Variants in SLC22A14 observed in about 807,000 individuals in gnomAD.
SLC22A14 encodes the protein organic cation transporter-like 4.
SLC22A14 carries 50 observed loss-of-function variants against 53.9 expected under a neutral mutation model. The ratio of observed to expected loss-of-function variants is 0.93; its 90% CI spans 0.74 to 1.17. The LOEUF is 1.17. Ranked by LOEUF, SLC22A14 falls within the 50% of genes most tolerant of loss-of-function variation. The pLI is 0.00. For synonymous variants in SLC22A14, 312 were observed against 303.0 expected, an observed-to-expected ratio of 1.03 and a Z score of -0.31; for missense variants, 671 against 734.7, an observed-to-expected ratio of 0.91 and a Z score of 1.00.
At chr3:38,293,917 G>A (rs114755280) in intron 1 of SLC22A14, among the ~76,000 whole-genome samples, 9,061 of 152,172 alleles carry the variant, frequency 0.06, 327 homozygotes, top group East Asian at 0.16. Context: ...GTCGGATTTA[G>A]CAGTAACATT....
chr3:38,279,043 C>T (rs1375743679), upstream of SLC22A14, among the ~76,000 whole-genome samples: 2 of 152,132 alleles, frequency 1.3e-5, no homozygotes, highest in Non-Finnish European at 2.9e-5. Flanking sequence ...CTCACAGGCA[C>T]CCCAGCTTGC....
chr3:38,295,962 T>A (rs1018796878), intron 1 of SLC22A14, among the ~76,000 whole-genome samples: 1 of 152,206 alleles, frequency 6.6e-6, no homozygotes, highest in Non-Finnish European at 1.5e-5. Flanking sequence ...TCCCTGGGTT[T>A]ATAGCCTAGA....
chr3:38,313,635 C>A, intron 7 of SLC22A14, 92 bp from the exon 8 acceptor site: 1 of 951,850 alleles, frequency 1.1e-6, no homozygotes, highest in Admixed American at 2.0e-5. Context: ...TCCGTTCCTA[C>A]CCTGACCCTT....
At chr3:38,311,136 G>C (rs1704457593) in intron 5 of SLC22A14, among the ~76,000 whole-genome samples, 1 of 152,158 alleles carries the variant, frequency 6.6e-6, no homozygotes, top group Non-Finnish European at 1.5e-5. Flanking sequence ...GAGTTGTATG[G>C]GGAGTGAGGA....
intron 1 of SLC22A14, among the ~76,000 whole-genome samples, chr3:38,296,652 TG>T (rs1704044742): frequency 6.6e-6 from 1 of 151,992 alleles, no homozygotes; most frequent in South Asian, 2.1e-4. Flanking sequence ...TTGTCTGACT[TG>T]GGGTTCTTGG....
intron 5 of SLC22A14, among the ~76,000 whole-genome samples, 153 bp downstream of exon 5, chr3:38,309,275 G>A (rs1395912641): frequency 3.3e-5 from 5 of 152,172 alleles, no homozygotes; most frequent in Non-Finnish European, 7.4e-5. Context: ...ACCAAGGGCA[G>A]AGCCTCTGAA....
intron 1 of SLC22A14, among the ~76,000 whole-genome samples, chr3:38,297,506 G>T (rs1278645828): frequency 2.0e-5 from 3 of 152,176 alleles, no homozygotes; most frequent in Admixed American, 2.0e-4. Context: ...AGGATGTGCA[G>T]ATTTGTTACA....
intron 1 of SLC22A14, among the ~76,000 whole-genome samples, chr3:38,284,847 C>T (rs1703755083): frequency 6.6e-6 from 1 of 152,130 alleles, no homozygotes; most frequent in South Asian, 2.1e-4. Context: ...CCCAATGCTG[C>T]TGGTGGGACT....
chr3:38,299,917 TG>T (rs1704122876), intron 1 of SLC22A14, among the ~76,000 whole-genome samples: 1 of 152,190 alleles, frequency 6.6e-6, no homozygotes, highest in African/African-American at 2.4e-5. Flanking sequence ...CCTATGTATA[TG>T]GATATTTAGG....
chr3:38,296,061 G>A lies in SLC22A14; in HGVS notation c.1-9966G>A, dbSNP rs141062193. On this transcript the variant is annotated intron_variant, in intron 1 of 10. Coordinates refer to ENST00000448498, the MANE Select transcript of SLC22A14 (RefSeq NM_001320033.2). Reference sequence around the variant, plus strand: ...TGAAAGTCTGAACCATTAGTACCTAGGAGGCAGGGATCGGAGGAAGTAGAT... The same window carrying A: ...TGAAAGTCTGAACCATTAGTACCTAAGAGGCAGGGATCGGAGGAAGTAGAT... 2.3e-3 allele frequency among the ~76,000 whole-genome samples: 356 copies of A among 152,302 alleles called. 1 individual carries two copies. The highest frequency in any genetic ancestry group is 8.4e-3 in the African/African-American group (349 of 41,568).
intron 4 of SLC22A14, 79 bp from the exon 5 acceptor site, chr3:38,308,875 C>A: frequency 7.5e-7 from 1 of 1,327,656 alleles, no homozygotes. Context: ...CAGGTGGGGA[C>A]ACCCAGCAAG....
chr3:38,301,373 G>A (rs4679031), intron 1 of SLC22A14, among the ~76,000 whole-genome samples: 9,785 of 152,272 alleles, frequency 0.064, 378 homozygotes, highest in East Asian at 0.16. Flanking sequence ...ATGTGCCAAT[G>A]TGATAGGTGA....
intron 10 of SLC22A14, among the ~76,000 whole-genome samples, chr3:38,316,856 C>G (rs540905503): frequency 1.3e-5 from 2 of 152,354 alleles, no homozygotes; most frequent in South Asian, 2.1e-4. Context: ...CCCTCTCCTC[C>G]CAGGGACAGG....
chr3:38,301,501 A>G (rs573354043), intron 1 of SLC22A14, among the ~76,000 whole-genome samples: 22 of 152,276 alleles, frequency 1.4e-4, no homozygotes, highest in South Asian at 6.2e-4. Flanking sequence ...TTGGGTTTAC[A>G]GAAATGCAAT....
At chr3:38,315,841 T>A in intron 9 of SLC22A14, 130 bp downstream of exon 9, 2 of 980,726 alleles carry the variant, frequency 2.0e-6, no homozygotes, top group Non-Finnish European at 3.1e-6. Context: ...ACATAAGTGA[T>A]CTCATTTAAA....
chr3:38,286,364 G>T (rs998440665), intron 1 of SLC22A14, among the ~76,000 whole-genome samples: 2 of 151,948 alleles, frequency 1.3e-5, no homozygotes, highest in Admixed American at 1.3e-4. Flanking sequence ...TAGGCCACAC[G>T]AGTTTCCTCT....
Position 38,309,047 on chromosome 3 carries a change from C to T in SLC22A14, c.869C>T (p.Ala290Val), listed in dbSNP as rs1704395531. ...GGGGCCGTGTTGCTGACAGGGATCG[C>T]CTACAGTCTTCCCCACTGGCAGCTG... is the stretch of plus-strand genomic sequence containing the variant. ...AVGAVLLTGIAYSLPHWQLLF... is the reference protein window; with the variant it reads ...AVGAVLLTGIVYSLPHWQLLF... Residue 290 changes from alanine to valine, a missense_variant, in exon 5 of 11, where the codon GCC becomes GTC. Transcript: ENST00000448498. 6.2e-7 allele frequency: 1 copy of T among 1,613,948 alleles called. No individual in the cohort carries two copies. Among genetic ancestry groups the T allele is most frequent in the Admixed American group, 1.7e-5 (1 of 60,006 alleles).
At chr3:38,298,386 A>T (rs1293566531) in intron 1 of SLC22A14, among the ~76,000 whole-genome samples, 2 of 152,166 alleles carry the variant, frequency 1.3e-5, no homozygotes, top group Non-Finnish European at 2.9e-5. Flanking sequence ...TTTCTAGGCC[A>T]TCTAGTGGAC....
intron 8 of SLC22A14, among the ~76,000 whole-genome samples, chr3:38,314,885 C>T (rs1164124961): frequency 2.6e-5 from 4 of 152,178 alleles, no homozygotes; most frequent in Non-Finnish European, 4.4e-5. Flanking sequence ...ATGGACTCCC[C>T]GGTAGATAAA....
Sources: allele counts gnomAD v4.1 joint callset (sites outside exome capture counted in the v4.1 genomes callset), GRCh38; gene constraint gnomAD v4.1.1; transcripts MANE v1.5; gene names NCBI Gene and HGNC (gene_info 2026-07-23, HGNC 2026-07-21).